GALNT13: variants seen among roughly 807,000 people sequenced by gnomAD.
GALNT13 encodes polypeptide N-acetylgalactosaminyltransferase 13, also known as UDP-GalNAc:polypeptide N-acetylgalactosaminyltransferase 13.
Under a neutral mutation model 64.2 loss-of-function variants are expected in GALNT13, and 28 were observed. The observed-to-expected ratio is 0.44, with a 90% CI of 0.32 to 0.60. GALNT13 has a LOEUF of 0.60. Ranked by LOEUF, GALNT13 falls within the 20% of genes least tolerant of loss-of-function variation. The pLI is 0.05. For missense variants in GALNT13, 577 were observed against 669.8 expected (o/e 0.86, Z 1.53); for synonymous variants, 214 against 224.6 (o/e 0.95, Z 0.42).
At chr2:153,205,329 A>G in the GALNT13 span, among the ~76,000 whole-genome samples, 3 of 152,108 alleles carry the variant, frequency 2.0e-5, no homozygotes, top group South Asian at 6.2e-4. Context: ...TTTTATCACA[A>G]TGACATTTTT....
chr2:153,111,078 G>A, the GALNT13 span, among the ~76,000 whole-genome samples: 3 of 151,950 alleles, frequency 2.0e-5, no homozygotes, highest in South Asian at 2.1e-4. Flanking sequence ...AATCTGCTTC[G>A]TAAATGGCAC....
chr2:153,471,949 T>A, the GALNT13 span, among the ~76,000 whole-genome samples: 1 of 152,212 alleles, frequency 6.6e-6, no homozygotes, highest in Admixed American at 6.5e-5. Flanking sequence ...ATTTCTAGTC[T>A]GTAGTAGAAT....
At chr2:153,172,897 G>C in the GALNT13 span, among the ~76,000 whole-genome samples, 1 of 151,988 alleles carries the variant, frequency 6.6e-6, no homozygotes, top group East Asian at 1.9e-4. Context: ...ACTTTTGCAG[G>C]CAGTCCTTGG....
the GALNT13 span, among the ~76,000 whole-genome samples, chr2:153,501,512 G>T: frequency 3.7e-4 from 56 of 151,848 alleles, no homozygotes; most frequent in Non-Finnish European, 7.4e-4. Context: ...TTGTATTTTT[G>T]GTAGAGACAA....
the GALNT13 span, among the ~76,000 whole-genome samples, chr2:153,793,858 T>C: frequency 6.6e-6 from 1 of 152,166 alleles, no homozygotes; most frequent in Admixed American, 6.5e-5. Flanking sequence ...TAGAAACACA[T>C]GTTAAACAAA....
the GALNT13 span, among the ~76,000 whole-genome samples, chr2:153,072,641 C>T: frequency 6.6e-6 from 1 of 152,134 alleles, no homozygotes; most frequent in African/African-American, 2.4e-5. Context: ...GATGTTGTCC[C>T]TTCCTTTTTG....
intron 3 of GALNT13, among the ~76,000 whole-genome samples, chr2:153,963,878 G>T (rs879895691): frequency 6.6e-6 from 1 of 151,778 alleles, no homozygotes; most frequent in Non-Finnish European, 1.5e-5. Flanking sequence ...TCTAAATGAG[G>T]TCTATGAAAG....
chr2:154,260,049 T>C (rs78047363), intron 8 of GALNT13, among the ~76,000 whole-genome samples: 1 of 151,068 alleles, frequency 6.6e-6, no homozygotes, highest in Non-Finnish European at 1.5e-5. Flanking sequence ...CTCCTAGCTA[T>C]TTGTTTTTCT....
chr2:153,268,410 A>C, the GALNT13 span, among the ~76,000 whole-genome samples: 1 of 152,166 alleles, frequency 6.6e-6, no homozygotes, highest in Non-Finnish European at 1.5e-5. Context: ...GTGAGCTCCC[A>C]TGGCCTTGGA....
rs923501966 is a variant in GALNT13, at chr2:154,345,167, A to C, written c.1156+43578A>C. Among the ~76,000 whole-genome samples the C allele has an allele frequency of 8.5e-5, 13 of 152,170 alleles. 1 individual carries two copies. The South Asian group carries it at 2.7e-3, about 32-fold the overall frequency. ...TAGATAAATAAGTGCTTCACTCCTA[A>C]AGATATTGTTGATTAATGAGTGATT... On this transcript the variant is annotated intron_variant, in intron 9 of 12. Coordinates refer to ENST00000392825, the MANE Select transcript of GALNT13 (RefSeq NM_052917.4).
the GALNT13 span, among the ~76,000 whole-genome samples, chr2:153,296,040 T>C: frequency 1.3e-5 from 2 of 152,168 alleles, no homozygotes; most frequent in Non-Finnish European, 1.5e-5. Flanking sequence ...AACAAGCTTA[T>C]GGAAAATGCT....
chr2:154,176,501 C>G lies in GALNT13; in HGVS notation c.311+35996C>G, dbSNP rs566970607. On this transcript the variant is annotated intron_variant, in intron 4 of 12. Transcript: ENST00000392825. ...TCTCCTGACCTCACGATCTGCCTGC[C>G]TTGGCCTCCCAAAGTGCTGGGATTA... is the stretch of plus-strand genomic sequence containing the variant. 2.0e-5 allele frequency among the ~76,000 whole-genome samples: 3 copies of G among 152,054 alleles called. No individual in the cohort carries two copies. In the East Asian group the frequency reaches 5.8e-4, roughly 29 times the overall value.
intron 3 of GALNT13, among the ~76,000 whole-genome samples, chr2:154,114,276 C>G (rs1301930116): frequency 6.6e-6 from 1 of 152,176 alleles, no homozygotes; most frequent in Non-Finnish European, 1.5e-5. Flanking sequence ...GTTCTGCCAG[C>G]TGCTAAATAT....
Position 154,406,957 on chromosome 2 carries a change from T to C in GALNT13, c.1297-2027T>C, listed in dbSNP as rs1341821207. ...TAGAAAATAGATCAATAATAGGTTG[T>C]TACTGAAGGCAAAATATTTTGGAGC... On this transcript the variant is annotated intron_variant, in intron 10 of 12. Coordinates refer to ENST00000392825, the MANE Select transcript of GALNT13 (RefSeq NM_052917.4). Among the ~76,000 whole-genome samples, 5 of 152,302 alleles carry C rather than the reference T, an allele frequency of 3.3e-5. No individual in the cohort carries two copies. In the East Asian group the frequency reaches 9.6e-4, roughly 29 times the overall value.
chr2:154,040,565 A>G (rs1421357042), intron 3 of GALNT13, among the ~76,000 whole-genome samples: 1 of 140,362 alleles, frequency 7.1e-6, no homozygotes, highest in Non-Finnish European at 1.6e-5. Flanking sequence ...TAGTGCTAAT[A>G]CTTCTTGGAC....
At chr2:154,092,429 C>T (rs950163613) in intron 3 of GALNT13, among the ~76,000 whole-genome samples, 1 of 151,850 alleles carries the variant, frequency 6.6e-6, no homozygotes, top group Admixed American at 6.6e-5. Flanking sequence ...TGCAAAATGC[C>T]TGTTATAATA....
chr2:153,746,980 C>T, the GALNT13 span, among the ~76,000 whole-genome samples: 16 of 151,916 alleles, frequency 1.1e-4, no homozygotes, highest in South Asian at 2.1e-4. Context: ...TTATGTAATT[C>T]GATATGAGTC....
the GALNT13 span, among the ~76,000 whole-genome samples, chr2:153,810,694 A>C: frequency 6.6e-6 from 1 of 152,212 alleles, no homozygotes; most frequent in Non-Finnish European, 1.5e-5. Flanking sequence ...ACATATTTAT[A>C]TGAAGGTCTG....
chr2:153,333,681 T>C, the GALNT13 span, among the ~76,000 whole-genome samples: 1 of 152,212 alleles, frequency 6.6e-6, no homozygotes, highest in South Asian at 2.1e-4. Flanking sequence ...ACTATCCATA[T>C]TGGTTGCCAG....
Sources: allele counts gnomAD v4.1 joint callset (sites outside exome capture counted in the v4.1 genomes callset), GRCh38; gene constraint gnomAD v4.1.1; transcripts MANE v1.5; gene names NCBI Gene and HGNC (gene_info 2026-07-23, HGNC 2026-07-21).